Variants in NLE1 observed in about 807,000 individuals in gnomAD.
The protein encoded by NLE1 is notchless protein homolog 1.
In NLE1, 37 loss-of-function variants were observed where a neutral mutation model predicts 62.8. The observed-to-expected ratio is 0.59, with a 90% CI of 0.45 to 0.78. The LOEUF (loss-of-function observed/expected upper bound fraction) is 0.78, where lower values mean the gene tolerates loss of function less well. Among genes scored for constraint, NLE1 ranks in the 30% least tolerant of loss-of-function variants. NLE1 has a pLI of 0.00. For synonymous variants in NLE1, 243 were observed against 253.0 expected, an observed-to-expected ratio of 0.96 and a Z score of 0.37; for missense variants, 555 against 637.9, an observed-to-expected ratio of 0.87 and a Z score of 1.40.
chr17:35,141,438 C>A (rs1460238066), intron 2 of NLE1, among the ~76,000 whole-genome samples: 2 of 150,166 alleles, frequency 1.3e-5, no homozygotes, highest in Non-Finnish European at 2.9e-5. Flanking sequence ...CCCAGCTACT[C>A]GGGAGGCTGA....
chr17:35,129,291 C>A lies in NLE1; in HGVS notation c.*3146G>T. 8.5e-7 allele frequency: 1 copy of A among 1,179,748 alleles called. No individual in the cohort carries two copies. The highest frequency in any genetic ancestry group is 1.2e-6 in the Non-Finnish European group (1 of 830,336). 73.1% of individuals were successfully genotyped at this position (1,179,748 alleles called of 1,614,324 possible). ...TCAGTGCTGCAGTACCTTGCACCTT[C>A]CATCTGACCTGCCTGGGCCCCAGCA... On this transcript the variant is annotated 3_prime_UTR_variant, in exon 13 of 13. Transcript: ENST00000442241.
intron 2 of NLE1, among the ~76,000 whole-genome samples, 178 bp from the exon 3 acceptor site, chr17:35,140,244 T>C (rs2091934959): frequency 1.3e-5 from 2 of 152,234 alleles, no homozygotes; most frequent in Non-Finnish European, 2.9e-5. Flanking sequence ...TTATTTATTT[T>C]TGAGACAAGA....
Position 35,129,199 on chromosome 17 carries a change from GGT to G in NLE1, c.*3236_*3237del, listed in dbSNP as rs2091861561. 5.2e-6 allele frequency: 3 copies of G among 571,774 alleles called. No homozygotes were observed. The East Asian group carries it at 8.7e-5, about 17-fold the overall frequency. The allele number at this position is 571,774 out of a possible 1,614,324, so 35.4% of individuals were successfully genotyped here. A position where few individuals can be genotyped will look rare whatever the true frequency, so the allele number is the denominator to read the frequency against. Reference sequence around the variant, plus strand: ...TGGCGTATAAGAAATATGGAATGAGGGTGTACCCTAAAGTGGGTGGGGCTGCC... The same window carrying G: ...TGGCGTATAAGAAATATGGAATGAGGGTACCCTAAAGTGGGTGGGGCTGCC... On this transcript the variant is annotated 3_prime_UTR_variant, in exon 13 of 13. Transcript: ENST00000442241.
At chr17:35,138,327 T>G (rs1480791821) in intron 4 of NLE1, among the ~76,000 whole-genome samples, 2 of 152,216 alleles carry the variant, frequency 1.3e-5, no homozygotes, top group Non-Finnish European at 2.9e-5. Context: ...AGCAGCAGCA[T>G]CAGCATCTCC....
At chr17:35,136,606 G>A (rs970096809) in intron 7 of NLE1, 109 bp from the exon 8 acceptor site, 1 of 1,374,700 alleles carries the variant, frequency 7.3e-7, no homozygotes, top group Admixed American at 2.3e-5. Flanking sequence ...CTCATGCATT[G>A]TGATCTTAAT....
In NLE1 at chr17:35,137,242, G is replaced by C. The variant is rs75185184; in HGVS notation, c.636-49C>G. The C allele has an allele frequency of 2.0e-3, 3,031 of 1,511,168 alleles. 51 individuals carry two copies. The East Asian group carries it at 0.039, about 19-fold the overall frequency. 93.6% of individuals were successfully genotyped at this position (1,511,168 alleles called of 1,614,324 possible). A position where few individuals can be genotyped will look rare whatever the true frequency, so the allele number is the denominator to read the frequency against. ...TCATCTGTGACCTGGCAACATCTGTGTGCCCATGGCACCTCCCCATTCCCA... is the reference window on the plus strand; with the variant it reads ...TCATCTGTGACCTGGCAACATCTGTCTGCCCATGGCACCTCCCCATTCCCA... On this transcript the variant is annotated intron_variant, in intron 6 of 12. Transcript: ENST00000442241.
At chr17:35,139,702 T>C in intron 3 of NLE1, 147 bp downstream of exon 3, 1 of 1,128,650 alleles carries the variant, frequency 8.9e-7, no homozygotes, top group Non-Finnish European at 1.2e-6. Context: ...ACTGAGGAAG[T>C]CCCTTAATTG....
intron 4 of NLE1, among the ~76,000 whole-genome samples, chr17:35,138,158 A>G (rs944476180): frequency 6.6e-6 from 1 of 152,194 alleles, no homozygotes; most frequent in Admixed American, 6.5e-5. Context: ...ATCCCTTGTT[A>G]TTTCTCACAA....
rs202004406 is a variant in NLE1 at position 35,133,150 on chromosome 17, C to T, written c.1445+21G>A. The T allele has an allele frequency of 2.2e-4, 352 of 1,612,422 alleles. 2 individuals are homozygous for T. The African/African-American group carries it at 4.1e-3, about 19-fold the overall frequency. ...GGGTAGGAGGGCTGTGTATGCCAAC[C>T]ACCACTTCCCCCACACTCACATCCG... On this transcript the variant is annotated intron_variant, in intron 12 of 12. Transcript: ENST00000442241.
chr17:35,140,092 C>A, intron 2 of NLE1, 26 bp from the exon 3 acceptor site: 1 of 1,607,670 alleles, frequency 6.2e-7, no homozygotes, highest in South Asian at 1.1e-5. Flanking sequence ...AAAGGACAAA[C>A]CCGCAACAAT....
chr17:35,130,244 G>C lies in NLE1; in HGVS notation c.*2193C>G. The C allele has an allele frequency of 6.2e-7, 1 of 1,606,176 alleles. No homozygotes were observed. Among genetic ancestry groups the C allele is most frequent in the Non-Finnish European group, 8.5e-7 (1 of 1,175,470 alleles). ...CAGAGAGAGAGCCAGGTTCAGATCT[G>C]GGAAGGAACTCTGAAGGGTTTTCTT... On this transcript the variant is annotated 3_prime_UTR_variant, in exon 13 of 13. Coordinates refer to ENST00000442241, the MANE Select transcript of NLE1 (RefSeq NM_018096.5).
intron 5 of NLE1, 79 bp downstream of exon 5, chr17:35,137,735 G>T: frequency 1.9e-6 from 1 of 538,312 alleles, no homozygotes; most frequent in Non-Finnish European, 3.5e-6. Flanking sequence ...CCTCCCCAAA[G>T]ACTCCTGAAC....
rs1054485976 is a variant in NLE1, at chr17:35,131,472, G to A, written c.*965C>T. 6 of 152,226 alleles carry A rather than the reference G, an allele frequency of 3.9e-5. No homozygotes were observed. The highest frequency in any genetic ancestry group is 2.4e-5 in the African/African-American group (1 of 41,440). 9.4% of individuals were successfully genotyped at this position (152,226 alleles called of 1,614,324 possible). On this transcript the variant is annotated 3_prime_UTR_variant, in exon 13 of 13. Coordinates refer to ENST00000442241, the MANE Select transcript of NLE1 (RefSeq NM_018096.5). Reference sequence around the variant, plus strand: ...CAGGGTACATTCAGGGCAAGATCTCGGCCTGGGGTCTGAGTCCTGATGGGA... The same window carrying A: ...CAGGGTACATTCAGGGCAAGATCTCAGCCTGGGGTCTGAGTCCTGATGGGA...
chr17:35,135,521 A>G (rs1355475654), intron 9 of NLE1, 70 bp from the exon 10 acceptor site: 8 of 1,390,266 alleles, frequency 5.8e-6, no homozygotes, highest in Non-Finnish European at 8.1e-6. Context: ...CGACTTTGGC[A>G]GCAAGCATAC....
chr17:35,139,111 C>A, intron 4 of NLE1, 124 bp downstream of exon 4: 1 of 766,536 alleles, frequency 1.3e-6, no homozygotes, highest in Non-Finnish European at 2.1e-6. Context: ...CCCAGGAGTT[C>A]AAGGCTTGAG....
At position 35,136,862 on chromosome 17, in the gene NLE1, C is replaced by T. The variant is rs1450530578; in HGVS notation, c.828+139G>A. 4 of 853,116 alleles carry T rather than the reference C, an allele frequency of 4.7e-6. No homozygotes were observed. In the East Asian group the frequency reaches 7.4e-5, roughly 16 times the overall value. The allele number at this position is 853,116 out of a possible 1,614,324, so 52.8% of individuals were successfully genotyped here. A position where few individuals can be genotyped will look rare whatever the true frequency, so the allele number is the denominator to read the frequency against. ...GCACCAACCACAGAACTCCTCATTC[C>T]CAAAACACCTCCCTAGACCAGGGCT... On this transcript the variant is annotated intron_variant, in intron 7 of 12. Coordinates refer to ENST00000442241, the MANE Select transcript of NLE1 (RefSeq NM_018096.5).
chr17:35,137,165 T>G lies in NLE1; in HGVS notation c.664A>C (p.Ser222Arg). 6.2e-7 allele frequency: 1 copy of G among 1,610,904 alleles called. No individual in the cohort carries two copies. The highest frequency in any genetic ancestry group is 8.5e-7 in the Non-Finnish European group (1 of 1,177,456). ...ANPECRYVAS[S>R]SKDGSVRIWD... ...ATCCGCACACTGCCATCCTTGGAGCTGCTGGCCACATAGCGGCACTCAGGG... is the reference window on the plus strand; with the variant it reads ...ATCCGCACACTGCCATCCTTGGAGCGGCTGGCCACATAGCGGCACTCAGGG... Residue 222 changes from serine (S) to arginine (R), a missense_variant, in exon 7 of 13, where the codon AGC (serine) becomes CGC (arginine). Physicochemically the swap from Ser to Arg is moderately radical, Grantham distance 110. Coordinates refer to ENST00000442241, the MANE Select transcript of NLE1 (RefSeq NM_018096.5).
At position 35,139,318 on chromosome 17, in the gene NLE1, G is replaced by A; in HGVS notation, c.381-4C>T. The A allele has an allele frequency of 1.2e-6, 2 of 1,613,456 alleles. No homozygotes were observed. Among genetic ancestry groups the A allele is most frequent in the Non-Finnish European group, 8.5e-7 (1 of 1,179,518 alleles). ...TCCAGAGCCACTGGCCAGGTACCTG[G>A]GGAAGAAGAGAGGATGCTTGACACT... On this transcript the variant is annotated splice_region_variant and splice_polypyrimidine_tract_variant and intron_variant, in intron 3 of 12. Coordinates refer to ENST00000442241, the MANE Select transcript of NLE1 (RefSeq NM_018096.5).
chr17:35,130,375 T>C lies in NLE1; in HGVS notation c.*2062A>G, dbSNP rs756775303. 8 of 1,613,990 alleles carry C rather than the reference T, an allele frequency of 5.0e-6. No homozygotes were observed. The East Asian group carries it at 1.6e-4, about 31-fold the overall frequency. ...CAAGGAACCCCGGCAAAAGATCGTG[T>C]CCATCGGGCCGGAGGAGATGCGGAG... is the stretch of plus-strand genomic sequence containing the variant. On this transcript the variant is annotated 3_prime_UTR_variant, in exon 13 of 13. Coordinates refer to ENST00000442241, the MANE Select transcript of NLE1 (RefSeq NM_018096.5).
Sources: allele counts gnomAD v4.1 joint callset (sites outside exome capture counted in the v4.1 genomes callset), GRCh38; gene constraint gnomAD v4.1.1; transcripts MANE v1.5; gene names NCBI Gene and HGNC (gene_info 2026-07-23, HGNC 2026-07-21).